Variants in PBX3 observed in about 807,000 individuals in gnomAD.
PBX3 encodes pre-B-cell leukemia transcription factor 3.
In PBX3, 14 loss-of-function variants were observed where a neutral mutation model predicts 48.5. The ratio of observed to expected loss-of-function variants is 0.29; its 90% CI spans 0.19 to 0.45. The LOEUF is 0.45. Among genes scored for constraint, PBX3 ranks in the 20% least tolerant of loss-of-function variants. PBX3 has a pLI of 1.00. For missense variants in PBX3, 386 were observed against 546.7 expected (o/e 0.71, Z 2.93); for synonymous variants, 210 against 200.3 (o/e 1.05, Z -0.41).
At chr9:125,808,561 T>C (rs1042197909) in intron 2 of PBX3, among the ~76,000 whole-genome samples, 4 of 151,948 alleles carry the variant, frequency 2.6e-5, no homozygotes, top group African/African-American at 9.7e-5. Flanking sequence ...AGCGAGGCAA[T>C]AGGCTGAGAT....
rs546969821 is a variant in PBX3 at position 125,864,427 on chromosome 9, A to G, written c.275-51259A>G. On this transcript the variant is annotated intron_variant, in intron 2 of 8. Transcript: ENST00000373489. Reference sequence around the variant, plus strand: ...GGGAGGATGGTTTCAGGATGATTCAAGTGCATTACATTTATTGTGCACTTT... The same window carrying G: ...GGGAGGATGGTTTCAGGATGATTCAGGTGCATTACATTTATTGTGCACTTT... Among the ~76,000 whole-genome samples, 4 of 152,302 alleles carry G rather than the reference A, an allele frequency of 2.6e-5. No individual in the cohort carries two copies. In the South Asian group the frequency reaches 8.3e-4, roughly 32 times the overall value.
intron 5 of PBX3, among the ~76,000 whole-genome samples, chr9:125,957,819 T>A (rs1329651871): frequency 6.6e-6 from 1 of 152,206 alleles, no homozygotes; most frequent in East Asian, 1.9e-4. Context: ...ACCAAGACTA[T>A]CCTCCTTTGC....
chr9:125,852,754 T>C (rs1839617113), intron 2 of PBX3, among the ~76,000 whole-genome samples: 1 of 152,204 alleles, frequency 6.6e-6, no homozygotes, highest in South Asian at 2.1e-4. Flanking sequence ...GTTATAACTT[T>C]TTCTGAGAAT....
chr9:125,818,513 AT>A (rs574766998), intron 2 of PBX3, among the ~76,000 whole-genome samples: 1 of 150,940 alleles, frequency 6.6e-6, no homozygotes, highest in African/African-American at 2.4e-5. Flanking sequence ...TTTTATTTTA[AT>A]TTTTTTTGTA....
intron 2 of PBX3, among the ~76,000 whole-genome samples, chr9:125,893,487 A>T (rs1840699211): frequency 6.6e-6 from 1 of 152,228 alleles, no homozygotes; most frequent in Non-Finnish European, 1.5e-5. Flanking sequence ...AAATCTATCC[A>T]GTGGCTTCTG....
At chr9:125,960,642 T>A in intron 5 of PBX3, 42 bp from the exon 6 acceptor site, 1 of 1,596,632 alleles carries the variant, frequency 6.3e-7, no homozygotes, top group Non-Finnish European at 8.6e-7. Flanking sequence ...TGATTACTTC[T>A]TCCTCTCTTC....
At chr9:125,812,293 T>G (rs991975945) in intron 2 of PBX3, among the ~76,000 whole-genome samples, 1 of 152,216 alleles carries the variant, frequency 6.6e-6, no homozygotes, top group Non-Finnish European at 1.5e-5. Context: ...GCACAAATAT[T>G]TCCTCCATAG....
chr9:125,846,531 C>G (rs1282384083), intron 2 of PBX3, among the ~76,000 whole-genome samples: 2 of 152,012 alleles, frequency 1.3e-5, no homozygotes, highest in Non-Finnish European at 2.9e-5. Context: ...CTCCTTCTCT[C>G]TTAAATTTTT....
At chr9:125,774,903 GCT>G (rs1489819762) in intron 2 of PBX3, among the ~76,000 whole-genome samples, 1 of 149,834 alleles carries the variant, frequency 6.7e-6, no homozygotes, top group Non-Finnish European at 1.5e-5. Context: ...ACAGAGTCTC[GCT>G]CTGTCACCCA....
At chr9:125,860,884 CAAA>C (rs58796485) in intron 2 of PBX3, among the ~76,000 whole-genome samples, 7,032 of 99,216 alleles carry the variant, frequency 0.071, 248 homozygotes, top group African/African-American at 0.15. Context: ...AAGACTCTGT[CAAA>C]AAAAAAAAAA....
At chr9:125,813,822 A>AAT (rs573462534) in intron 2 of PBX3, among the ~76,000 whole-genome samples, 5,861 of 151,476 alleles carry the variant, frequency 0.039, 396 homozygotes, top group African/African-American at 0.13. Flanking sequence ...ATTAGGTATC[A>AAT]CTGCTTCTGA....
intron 2 of PBX3, among the ~76,000 whole-genome samples, chr9:125,829,731 A>G (rs545181583): frequency 1.3e-5 from 2 of 152,336 alleles, no homozygotes; most frequent in South Asian, 2.1e-4. Flanking sequence ...AAAGAAGAGA[A>G]GCAAAATAAT....
In PBX3 at chr9:125,966,799, A is replaced by C. The variant is rs1197617688; in HGVS notation, c.*876A>C. Reference sequence around the variant, plus strand: ...CATGCGAACTCATACAAACCAATAGAATTTCAACATGTTCTGTAGCTTAGA... The same window carrying C: ...CATGCGAACTCATACAAACCAATAGCATTTCAACATGTTCTGTAGCTTAGA... On this transcript the variant is annotated 3_prime_UTR_variant, in exon 9 of 9. Transcript: ENST00000373489. 1 of 152,658 alleles carries C rather than the reference A, an allele frequency of 6.6e-6. No individual in the cohort carries two copies. Among genetic ancestry groups the C allele is most frequent in the Non-Finnish European group, 1.5e-5 (1 of 68,052 alleles). The allele number at this position is 152,658 out of a possible 1,614,324, so 9.5% of individuals were successfully genotyped here. A position where few individuals can be genotyped will look rare whatever the true frequency, so the allele number is the denominator to read the frequency against.
At chr9:125,784,710 A>T (rs931604988) in intron 2 of PBX3, among the ~76,000 whole-genome samples, 10 of 152,316 alleles carry the variant, frequency 6.6e-5, no homozygotes, top group African/African-American at 2.4e-4. Flanking sequence ...ATAAAGGAGG[A>T]AAAACAAAAA....
At chr9:125,881,941 C>T (rs1840391733) in intron 2 of PBX3, among the ~76,000 whole-genome samples, 1 of 151,890 alleles carries the variant, frequency 6.6e-6, no homozygotes, top group South Asian at 2.1e-4. Flanking sequence ...CCTATAGTCT[C>T]TGCAATCCCA....
chr9:125,785,132 T>C (rs1178053727), intron 2 of PBX3, among the ~76,000 whole-genome samples: 3 of 152,206 alleles, frequency 2.0e-5, no homozygotes, highest in African/African-American at 7.2e-5. Context: ...GAGTGAGATC[T>C]GAATTAGGTG....
intron 2 of PBX3, among the ~76,000 whole-genome samples, chr9:125,872,637 G>A (rs1314587853): frequency 6.6e-6 from 1 of 151,908 alleles, no homozygotes; most frequent in Non-Finnish European, 1.5e-5. Flanking sequence ...GCACACACCT[G>A]TACTCCTAGC....
intron 2 of PBX3, among the ~76,000 whole-genome samples, chr9:125,910,368 T>C (rs1423903201): frequency 2.6e-5 from 4 of 152,134 alleles, no homozygotes; most frequent in Non-Finnish European, 4.4e-5. Context: ...GCATTATTGC[T>C]CACAGGAACT....
At chr9:125,895,736 TTCA>T (rs1422079369) in intron 2 of PBX3, among the ~76,000 whole-genome samples, 1 of 152,106 alleles carries the variant, frequency 6.6e-6, no homozygotes, top group Non-Finnish European at 1.5e-5. Context: ...TATTCAAATG[TTCA>T]TCATACAGCA....
Sources: gnomAD v4.1 joint callset for allele counts (sites outside exome capture counted in the v4.1 genomes callset) on GRCh38, gnomAD v4.1.1 for gene constraint, MANE v1.5 for transcripts, NCBI Gene and HGNC (gene_info 2026-07-23, HGNC 2026-07-21) for gene names.